LOC128125817: variants seen among roughly 807,000 people sequenced by gnomAD.
At chr1:41,596,396 T>A in the LOC128125817 span, among the ~76,000 whole-genome samples, 1 of 151,858 alleles carries the variant, frequency 6.6e-6, no homozygotes, top group South Asian at 2.1e-4. Flanking sequence ...TAGCCTGTGT[T>A]GGAAGGAAGA....
At chr1:41,586,722 G>A in the LOC128125817 span, among the ~76,000 whole-genome samples, 17 of 152,114 alleles carry the variant, frequency 1.1e-4, no homozygotes, top group African/African-American at 3.1e-4. Context: ...CAGGGCCCTC[G>A]GACACTGTGA....
chr1:41,614,088 C>T, the LOC128125817 span, among the ~76,000 whole-genome samples: 24 of 152,312 alleles, frequency 1.6e-4, no homozygotes, highest in South Asian at 1.0e-3. Context: ...GTGTGGCGTC[C>T]GGCAGCAGAT....
the LOC128125817 span, among the ~76,000 whole-genome samples, chr1:41,592,428 C>G: frequency 6.6e-6 from 1 of 152,210 alleles, no homozygotes; most frequent in African/African-American, 2.4e-5. Flanking sequence ...AAAATACTGG[C>G]CACATTTCCT....
the LOC128125817 span, among the ~76,000 whole-genome samples, chr1:41,600,734 A>T: frequency 6.6e-6 from 1 of 152,344 alleles, no homozygotes; most frequent in East Asian, 1.9e-4. Context: ...TTTAACAGGC[A>T]CTACAAGCAA....
chr1:41,622,047 C>A, the LOC128125817 span, among the ~76,000 whole-genome samples: 1 of 152,232 alleles, frequency 6.6e-6, no homozygotes, highest in Admixed American at 6.5e-5. Context: ...GCTTTCTAAG[C>A]TGACTGTGAG....
the LOC128125817 span, among the ~76,000 whole-genome samples, chr1:41,622,853 G>GT: frequency 6.6e-6 from 1 of 152,194 alleles, no homozygotes; most frequent in Non-Finnish European, 1.5e-5. Flanking sequence ...CAACATTGCT[G>GT]TTTTTTATTA....
the LOC128125817 span, among the ~76,000 whole-genome samples, chr1:41,624,981 T>G: frequency 6.6e-6 from 1 of 151,892 alleles, no homozygotes; most frequent in Non-Finnish European, 1.5e-5. Flanking sequence ...CTGGCTGACA[T>G]GGTGAAACCC....
At chr1:41,592,868 C>T in the LOC128125817 span, among the ~76,000 whole-genome samples, 9 of 152,196 alleles carry the variant, frequency 5.9e-5, no homozygotes, top group Non-Finnish European at 1.3e-4. Flanking sequence ...CCCAGGGATC[C>T]GCATGTATCC....
chr1:41,625,601 G>A, the LOC128125817 span, among the ~76,000 whole-genome samples: 1 of 152,160 alleles, frequency 6.6e-6, no homozygotes, highest in African/African-American at 2.4e-5. Context: ...CAGGTGTGGT[G>A]GTCCATGCCT....
chr1:41,608,908 TAAAAATACCAAAAA>T, the LOC128125817 span, among the ~76,000 whole-genome samples: 1 of 98,288 alleles, frequency 1.0e-5, no homozygotes, highest in African/African-American at 4.9e-5. Context: ...CTGTCTCTAC[TAAAAATACCAAAAA>T]AAAAAAAAAA....
At chr1:41,625,162 C>CAAAAA in the LOC128125817 span, among the ~76,000 whole-genome samples, 137 of 71,276 alleles carry the variant, frequency 1.9e-3, no homozygotes, top group Middle Eastern at 0.014. Flanking sequence ...GATTCCAACT[C>CAAAAA]AAAAAAAAAA....
the LOC128125817 span, among the ~76,000 whole-genome samples, chr1:41,625,437 G>T: frequency 6.6e-6 from 1 of 152,180 alleles, no homozygotes; most frequent in Non-Finnish European, 1.5e-5. Flanking sequence ...GAATCAGGCA[G>T]CAGCCTGGAT....
At chr1:41,605,891 C>T in the LOC128125817 span, among the ~76,000 whole-genome samples, 1 of 152,136 alleles carries the variant, frequency 6.6e-6, no homozygotes, top group Non-Finnish European at 1.5e-5. Context: ...TCCCCATAAA[C>T]ATTTTTTGAG....
the LOC128125817 span, among the ~76,000 whole-genome samples, chr1:41,605,627 C>T: frequency 6.6e-6 from 1 of 151,846 alleles, no homozygotes. Flanking sequence ...GAGAGGCTGA[C>T]TCCTGGGGGT....
chr1:41,626,533 G>A, the LOC128125817 span, among the ~76,000 whole-genome samples: 2 of 152,152 alleles, frequency 1.3e-5, no homozygotes, highest in Admixed American at 1.3e-4. Flanking sequence ...AGTCTGCAGA[G>A]GACCCCCCAT....
chr1:41,595,462 T>C, the LOC128125817 span, among the ~76,000 whole-genome samples: 2 of 152,188 alleles, frequency 1.3e-5, no homozygotes, highest in East Asian at 1.9e-4. Context: ...TGGTGGGACA[T>C]GCCGAGAAAG....
the LOC128125817 span, among the ~76,000 whole-genome samples, chr1:41,598,239 A>C: frequency 2.0e-5 from 3 of 152,192 alleles, no homozygotes. Flanking sequence ...CATTTGCTGC[A>C]GTGGCCTGAT....
chr1:41,620,045 T>C, the LOC128125817 span, among the ~76,000 whole-genome samples: 1 of 152,042 alleles, frequency 6.6e-6, no homozygotes, highest in African/African-American at 2.4e-5. Context: ...TGAATATCTG[T>C]TGAATGAATA....
chr1:41,623,233 T>C, the LOC128125817 span, among the ~76,000 whole-genome samples: 2 of 152,170 alleles, frequency 1.3e-5, no homozygotes, highest in Non-Finnish European at 2.9e-5. Flanking sequence ...TGTGGCTATT[T>C]TGGAGAAGCG....
Sources: gnomAD v4.1 joint callset for allele counts (sites outside exome capture counted in the v4.1 genomes callset) on GRCh38, gnomAD v4.1.1 for gene constraint, MANE v1.5 for transcripts.